The following SMG6 variants were observed in gnomAD, a reference collection of about 807,000 sequenced individuals.
SMG6 encodes telomerase-binding protein EST1A.
Under a neutral mutation model 142.2 loss-of-function variants are expected in SMG6, and 66 were observed. The ratio of observed to expected loss-of-function variants is 0.46; its 90% CI spans 0.38 to 0.57. The LOEUF is 0.57. Ranked by LOEUF, SMG6 falls within the 20% of genes least tolerant of loss-of-function variation. The pLI, the probability that SMG6 is intolerant of heterozygous loss-of-function variation, is 0.00. For missense variants in SMG6, 1,793 were observed against 1,832.0 expected (o/e 0.98, Z 0.39); for synonymous variants, 779 against 702.4 (o/e 1.11, Z -1.72).
chr17:2,080,190 G>A (rs1476199842), intron 15 of SMG6, among the ~76,000 whole-genome samples: 2 of 152,012 alleles, frequency 1.3e-5, no homozygotes, highest in Non-Finnish European at 1.5e-5. Flanking sequence ...AGGCAGAGGC[G>A]GGCAGATCAC....
chr17:2,299,200 G>T lies in SMG6; in HGVS notation c.1553C>A (p.Ser518Tyr), dbSNP rs1306108736. The change falls in exon 2 of 19, where the codon TCC becomes TAC. Residue 518 changes from serine (S) to tyrosine (Y), a missense_variant. By Grantham distance (144) the Ser-to-Tyr change is moderately radical (BLOSUM62 -2). Coordinates refer to ENST00000263073, the MANE Select transcript of SMG6 (RefSeq NM_017575.5). This position sits in a 1 kb window ranked among gnomAD's most constrained non-coding sequence, Gnocchi z 4.3. ...GTTATAGCCCGTATAGGGATACTGG[G>T]AGGCAGGGCCTGGTGTCCGGGGGTA... The part of the protein sequence containing the change: ...YYYPRTPGPA[S>Y]QYPYTGYNPL... 6.2e-7 allele frequency: 1 copy of T among 1,613,570 alleles called. No individual in the cohort carries two copies. Among genetic ancestry groups the T allele is most frequent in the Non-Finnish European group, 8.5e-7 (1 of 1,179,814 alleles).
chr17:2,262,330 C>A (rs112706767), intron 8 of SMG6, among the ~76,000 whole-genome samples: 11 of 152,280 alleles, frequency 7.2e-5, no homozygotes, highest in African/African-American at 2.4e-4. Flanking sequence ...AGAGAAAGAA[C>A]TATTTGAAGG....
At chr17:2,181,708 A>T (rs1286869920) in intron 12 of SMG6, among the ~76,000 whole-genome samples, 1 of 152,242 alleles carries the variant, frequency 6.6e-6, no homozygotes, top group Non-Finnish European at 1.5e-5. Flanking sequence ...TGTGAAGCCC[A>T]GCCGGGGATG....
intron 18 of SMG6, chr17:2,061,841 C>T: frequency 1.9e-6 from 1 of 539,592 alleles, no homozygotes; most frequent in African/African-American, 1.9e-5. Flanking sequence ...TGACTCCGGC[C>T]TCCCATACAG....
At chr17:2,297,500 C>A (rs1471025158) in intron 3 of SMG6, 147 bp from the exon 4 acceptor site, 7 of 631,854 alleles carry the variant, frequency 1.1e-5, no homozygotes, top group Non-Finnish European at 1.9e-5. Context: ...CACTGGCCAC[C>A]AATTTGAGAA....
intron 10 of SMG6, among the ~76,000 whole-genome samples, chr17:2,208,410 C>T (rs768822046): frequency 6.6e-6 from 1 of 152,140 alleles, no homozygotes; most frequent in East Asian, 1.9e-4. Context: ...CAGCTGTCCT[C>T]GTACAGGATT....
intron 10 of SMG6, among the ~76,000 whole-genome samples, chr17:2,191,427 A>G (rs530971388): frequency 1.3e-5 from 2 of 152,288 alleles, no homozygotes; most frequent in South Asian, 4.1e-4. Context: ...GGCCAAGCCA[A>G]CAAGTGATGT....
At chr17:2,233,019 C>A (rs2073543722) in intron 10 of SMG6, 1 of 152,200 alleles carries the variant, frequency 6.6e-6, no homozygotes, top group Non-Finnish European at 1.5e-5. Context: ...GATTTCCATC[C>A]TGGATTACTG....
At chr17:2,166,609 C>T (rs1297049044) in intron 13 of SMG6, among the ~76,000 whole-genome samples, 1 of 152,102 alleles carries the variant, frequency 6.6e-6, no homozygotes, top group Non-Finnish European at 1.5e-5. Context: ...AGGTGTAATA[C>T]CATCAACCCT....
chr17:2,264,076 T>C (rs539706347), intron 8 of SMG6, among the ~76,000 whole-genome samples: 62 of 86,532 alleles, frequency 7.2e-4, no homozygotes, highest in Admixed American at 4.5e-3. Flanking sequence ...AGTGAGCTGC[T>C]CCCAGAGTAA....
At chr17:2,246,131 A>C (rs1555569) in intron 8 of SMG6, among the ~76,000 whole-genome samples, 39,328 of 152,218 alleles carry the variant, frequency 0.26, 6,573 homozygotes, top group Admixed American at 0.36. Context: ...AGGTTCTAGA[A>C]AATCTACTTC....
In SMG6 at chr17:2,299,601, A is replaced by G. The variant is rs2075225910; in HGVS notation, c.1152T>C (p.Ser384=). Residue 384 remains serine, a synonymous_variant, in exon 2 of 19, where the codon AGT becomes AGC. Coordinates refer to ENST00000263073, the MANE Select transcript of SMG6 (RefSeq NM_017575.5). The surrounding 1 kb of genome is among the most constrained non-coding windows in gnomAD (Gnocchi z 4.3). ...CCTGCTTCTCAGAGCCTTTGCCCCC[A>G]CTGCTCAAGCCTTTGTCAGGCTTTC... ...DRGKPDKGLS[S]GGKGSEKQES... is the part of the protein sequence containing the mutation. 6.2e-7 allele frequency: 1 copy of G among 1,614,006 alleles called. No homozygotes were observed. Among genetic ancestry groups the G allele is most frequent in the African/African-American group, 1.3e-5 (1 of 74,906 alleles).
At chr17:2,198,192 T>C (rs977036750) in intron 10 of SMG6, among the ~76,000 whole-genome samples, 8 of 152,176 alleles carry the variant, frequency 5.3e-5, no homozygotes, top group African/African-American at 1.9e-4. Context: ...GTGCAGTGAG[T>C]TGGACAGACT....
At chr17:2,260,816 C>CA (rs1258745617) in intron 8 of SMG6, among the ~76,000 whole-genome samples, 1 of 150,522 alleles carries the variant, frequency 6.6e-6, no homozygotes, top group Admixed American at 6.6e-5. Context: ...CCAAAAATGG[C>CA]AAAACCCTGT....
At chr17:2,303,027 C>T (rs2075319361) in intron 1 of SMG6, 1 of 985,332 alleles carries the variant, frequency 1.0e-6, no homozygotes, top group Non-Finnish European at 1.2e-6. Flanking sequence ...CCTGACGTGG[C>T]TGGAGACTTG....
At chr17:2,201,568 T>C (rs2072523677) in intron 10 of SMG6, among the ~76,000 whole-genome samples, 1 of 149,772 alleles carries the variant, frequency 6.7e-6, no homozygotes, top group African/African-American at 2.5e-5. Flanking sequence ...TGGCAGGCAC[T>C]GTAATGCCAA....
intron 9 of SMG6, among the ~76,000 whole-genome samples, chr17:2,241,752 A>G (rs216216): frequency 0.79 from 119,543 of 152,206 alleles, 47,053 homozygotes; most frequent in East Asian, 0.81. Context: ...AATATGTGTC[A>G]AAATATAAGA....
chr17:2,210,358 C>T (rs1044627231), intron 10 of SMG6, among the ~76,000 whole-genome samples: 1 of 150,748 alleles, frequency 6.6e-6, no homozygotes, highest in East Asian at 1.9e-4. Flanking sequence ...TGGGCTCAAG[C>T]GATCTTCTTT....
chr17:2,259,124 A>G (rs1185496168), intron 8 of SMG6, among the ~76,000 whole-genome samples: 1 of 152,070 alleles, frequency 6.6e-6, no homozygotes, highest in African/African-American at 2.4e-5. Flanking sequence ...ACCGAGACAG[A>G]CACGGAGAAT....
Sources: gnomAD v4.1 joint callset for allele counts (sites outside exome capture counted in the v4.1 genomes callset) on GRCh38, gnomAD v4.1.1 for gene constraint, Gnocchi (gnomAD v3.1) non-coding constraint, MANE v1.5 for transcripts, NCBI Gene and HGNC (gene_info 2026-07-23, HGNC 2026-07-21) for gene names.